The following ATXN2L variants were observed in gnomAD, a reference collection of about 807,000 sequenced individuals.
ATXN2L encodes ataxin-2-like protein.
Under a neutral mutation model 120.7 loss-of-function variants are expected in ATXN2L, and 24 were observed. The ratio of observed to expected loss-of-function variants is 0.20; its 90% CI spans 0.14 to 0.28. The LOEUF (loss-of-function observed/expected upper bound fraction) is 0.28, where lower values mean the gene tolerates loss of function less well. ATXN2L is among the 10% of genes least tolerant of loss of function. The pLI, the probability that ATXN2L is intolerant of heterozygous loss-of-function variation, is 1.00. For synonymous variants in ATXN2L, 653 were observed against 568.1 expected (o/e 1.15, Z -2.13); for missense variants, 1,312 against 1,432.3 (o/e 0.92, Z 1.36).
intron 12 of ATXN2L, 43 bp downstream of exon 12, chr16:28,832,610 T>C: frequency 6.3e-7 from 1 of 1,587,166 alleles, no homozygotes; most frequent in Non-Finnish European, 8.6e-7. Context: ...TGCTCCTTTG[T>C]CTGGGGGAGA....
chr16:28,824,613 G>GT (rs2051104875), intron 1 of ATXN2L: 34 of 1,223,524 alleles, frequency 2.8e-5, no homozygotes, highest in Non-Finnish European at 3.5e-5. Flanking sequence ...TCCTCCCACA[G>GT]TTTTGAGGCG....
chr16:28,829,248 C>G (rs993934237), intron 6 of ATXN2L, among the ~76,000 whole-genome samples, 153 bp from the exon 7 acceptor site: 3 of 152,148 alleles, frequency 2.0e-5, no homozygotes, highest in African/African-American at 7.2e-5. Flanking sequence ...GGAGAGCCTC[C>G]TGCCTCAGCT....
chr16:28,823,569 TG>T lies in ATXN2L; in HGVS notation c.299+14del. ...CATCGGCAGCGCCAGGTGAGAAGGG[TG>T]GGCTCCGGGCGAGGGAGCCGCGGCC... is the stretch of plus-strand genomic sequence containing the variant. On this transcript the variant is annotated intron_variant, in intron 1 of 21. Coordinates refer to ENST00000336783, the MANE Select transcript of ATXN2L (RefSeq NM_007245.4). 1 of 1,327,280 alleles carries T rather than the reference TG, an allele frequency of 7.5e-7. No individual in the cohort carries two copies. Among genetic ancestry groups the T allele is most frequent in the South Asian group, 1.9e-5 (1 of 51,564 alleles). The allele number at this position is 1,327,280 out of a possible 1,614,324, so 82.2% of individuals were successfully genotyped here.
chr16:28,823,194 G>A lies in ATXN2L; in HGVS notation c.-66G>A. 8.8e-7 allele frequency: 1 copy of A among 1,139,716 alleles called. No homozygotes were observed. The highest frequency in any genetic ancestry group is 1.1e-6 in the Non-Finnish European group (1 of 894,212). 70.6% of individuals were successfully genotyped at this position (1,139,716 alleles called of 1,614,324 possible). ...CCCCTCGCTTCCCGCGCTCTCCAGC[G>A]GGGCCCCAGCCCCGGCCCCCTCTCT... On this transcript the variant is annotated 5_prime_UTR_variant, in exon 1 of 22. Transcript: ENST00000336783.
chr16:28,828,931 C>T (rs181538186), intron 6 of ATXN2L, among the ~76,000 whole-genome samples: 15 of 152,074 alleles, frequency 9.9e-5, no homozygotes, highest in Admixed American at 2.6e-4. Context: ...TTAGTAGAGA[C>T]GGGGTTTCAC....
intron 5 of ATXN2L, 74 bp downstream of exon 5, chr16:28,826,464 A>C (rs906695941): frequency 6.6e-7 from 1 of 1,511,488 alleles, no homozygotes; most frequent in East Asian, 2.3e-5. Context: ...GTGCAGGTGG[A>C]ACATGGTGAT....
intron 1 of ATXN2L, chr16:28,824,251 G>T: frequency 8.8e-7 from 1 of 1,136,484 alleles, no homozygotes; most frequent in Non-Finnish European, 1.1e-6. Context: ...TGGTGGCAGT[G>T]CATGAGTAGT....
chr16:28,829,784 T>C, intron 7 of ATXN2L, 74 bp from the exon 8 acceptor site: 5 of 1,500,508 alleles, frequency 3.3e-6, no homozygotes, highest in Non-Finnish European at 3.7e-6. Context: ...ATTGGACTTG[T>C]TGAAATGTTT....
At chr16:28,824,414 C>T (rs1017618305) in intron 1 of ATXN2L, 53 of 1,280,968 alleles carry the variant, frequency 4.1e-5, no homozygotes, top group East Asian at 5.6e-5. Flanking sequence ...CGGGCGAGGC[C>T]TCCCGGTGGA....
Position 28,823,060 on chromosome 16 carries a change from C to T in ATXN2L, c.-200C>T, listed in dbSNP as rs1161204521. 8.6e-6 allele frequency: 3 copies of T among 350,740 alleles called. No homozygotes were observed. Among genetic ancestry groups the T allele is most frequent in the African/African-American group, 4.3e-5 (2 of 46,232 alleles). 21.7% of individuals were successfully genotyped at this position (350,740 alleles called of 1,614,324 possible). The stretch of plus-strand genomic sequence containing the variant: ...CTCGCTTTCCTCCAGCCGCGAGACC[C>T]CCTCCCCTTCCGCCTCGCGGCGCTT... On this transcript the variant is annotated 5_prime_UTR_variant, in exon 1 of 22. Transcript: ENST00000336783.
At chr16:28,833,747 T>A in intron 15 of ATXN2L, 1 of 611,104 alleles carries the variant, frequency 1.6e-6, no homozygotes. Flanking sequence ...GATGAGGGGT[T>A]AACAGGCTTT....
rs761275768 is a variant in ATXN2L at position 28,825,380 on chromosome 16, G to A, written c.314G>A (p.Gly105Glu). 6.2e-7 allele frequency: 1 copy of A among 1,613,916 alleles called. No homozygotes were observed. Among genetic ancestry groups the A allele is most frequent in the Admixed American group, 1.7e-5 (1 of 60,020 alleles). Residue 105 changes from glycine to glutamate, a missense_variant, in exon 2 of 22, where the codon GGA becomes GAA. By Grantham distance (98) the Gly-to-Glu change is moderately conservative (BLOSUM62 -2). Coordinates refer to ENST00000336783, the MANE Select transcript of ATXN2L (RefSeq NM_007245.4). Reference protein sequence around the residue: ...AIGSARGQSTGKGPPQSPVFE... With the variant: ...AIGSARGQSTEKGPPQSPVFE... ...TTCTTTTATAGGGGACAGAGCACAGGAAAGGGACCCCCACAGTCACCTGTG... is the reference window on the plus strand; with the variant it reads ...TTCTTTTATAGGGGACAGAGCACAGAAAAGGGACCCCCACAGTCACCTGTG...
chr16:28,833,860 T>C, intron 15 of ATXN2L: 1 of 702,534 alleles, frequency 1.4e-6, no homozygotes, highest in Non-Finnish European at 2.3e-6. Context: ...AGGTTTGTGA[T>C]CTTGGACGTC....
chr16:28,833,280 T>C lies in ATXN2L; in HGVS notation c.1881T>C (p.Pro627=), dbSNP rs2055198237. ...GTEGPEQPPP[P]CPSQTGSPPV... ...AGGGGCCAGAGCAGCCCCCACCACC[T>C]TGTCCAAGCCAAACTGGCAGCCCCC... is the stretch of plus-strand genomic sequence containing the variant. Residue 627 remains proline (P), a synonymous_variant, in exon 14 of 22, where the codon CCT becomes CCC. Coordinates refer to ENST00000336783, the MANE Select transcript of ATXN2L (RefSeq NM_007245.4). 3 of 1,614,010 alleles carry C rather than the reference T, an allele frequency of 1.9e-6. No individual in the cohort carries two copies. The highest frequency in any genetic ancestry group is 2.2e-5 in the South Asian group (2 of 91,084).
chr16:28,823,793 A>G (rs1314554197), intron 1 of ATXN2L: 2 of 410,260 alleles, frequency 4.9e-6, no homozygotes, highest in Admixed American at 4.6e-5. Context: ...CAGGGCTCGC[A>G]GCCCCGGCCT....
At position 28,833,483 on chromosome 16, in the gene ATXN2L, A is replaced by G. The variant is rs1281825181; in HGVS notation, c.2000A>G (p.Asn667Ser). The G allele has an allele frequency of 2.5e-6, 4 of 1,614,220 alleles. No homozygotes were observed. Among genetic ancestry groups the G allele is most frequent in the African/African-American group, 1.3e-5 (1 of 75,058 alleles). ...TTGAACCCTAATGCTAAGGAGTTCA[A>G]TCCTACAAAGCCTCTGCTGTCTGTG... ...STLNPNAKEF[N>S]PTKPLLSVNK... is the part of the protein sequence containing the mutation. The change falls in exon 15 of 22, where the codon AAT becomes AGT. Residue 667 changes from asparagine to serine, a missense_variant. Physicochemically the swap from Asn to Ser is conservative, Grantham distance 46. Coordinates refer to ENST00000336783, the MANE Select transcript of ATXN2L (RefSeq NM_007245.4).
chr16:28,825,712 A>G (rs773864756), intron 3 of ATXN2L, 32 bp downstream of exon 3: 1 of 1,613,708 alleles, frequency 6.2e-7, no homozygotes, highest in South Asian at 1.1e-5. Flanking sequence ...GGGTTGTTTA[A>G]GGAACGTAAT....
Position 28,836,076 on chromosome 16 carries a change from C to G in ATXN2L, c.3039C>G (p.Leu1013=). 6.2e-7 allele frequency: 1 copy of G among 1,611,732 alleles called. No homozygotes were observed. Among genetic ancestry groups the G allele is most frequent in the Non-Finnish European group, 8.5e-7 (1 of 1,178,200 alleles). The change falls in exon 22 of 22, where the codon CTC becomes CTG. Residue 1013 remains leucine (L), a synonymous_variant. Transcript: ENST00000336783. ...GAVPQSGVPA[L]SASTPSPYPY... ...TGCCCCAGAGTGGGGTGCCTGCACTCTCAGCTTCCACACCCTCACCCTACC... is the reference window on the plus strand; with the variant it reads ...TGCCCCAGAGTGGGGTGCCTGCACTGTCAGCTTCCACACCCTCACCCTACC...
intron 5 of ATXN2L, chr16:28,826,593 C>T (rs1232162131): frequency 1.0e-5 from 6 of 593,846 alleles, no homozygotes; most frequent in East Asian, 8.6e-5. Flanking sequence ...ATATATAATG[C>T]GATGAATTCC....
Sources: gnomAD v4.1 joint callset for allele counts (sites outside exome capture counted in the v4.1 genomes callset) on GRCh38, gnomAD v4.1.1 for gene constraint, MANE v1.5 for transcripts, NCBI Gene and HGNC (gene_info 2026-07-23, HGNC 2026-07-21) for gene names.